Variants in SOS2 observed in about 807,000 individuals in gnomAD.
SOS2 encodes the protein SOS Ras/Rho guanine nucleotide exchange factor 2.
Under a neutral mutation model 148.2 loss-of-function variants are expected in SOS2, and 65 were observed. The ratio of observed to expected loss-of-function variants is 0.44; its 90% CI spans 0.36 to 0.54. The LOEUF is 0.54. SOS2 is among the 20% of genes least tolerant of loss of function. The pLI is 0.00. For synonymous variants in SOS2, 539 were observed against 537.1 expected (o/e 1.00, Z -0.05); for missense variants, 1,341 against 1,590.2 (o/e 0.84, Z 2.67).
At chr14:50,190,072 C>T (rs1056615833) in intron 4 of SOS2, among the ~76,000 whole-genome samples, 2 of 151,804 alleles carry the variant, frequency 1.3e-5, no homozygotes, top group East Asian at 3.9e-4. Context: ...AGGCTGGTCT[C>T]GAGCTTCTGA....
In SOS2 at chr14:50,136,951, T is replaced by C. The variant is rs1408078638; in HGVS notation, c.2958+1661A>G. Among the ~76,000 whole-genome samples the C allele has an allele frequency of 2.0e-5, 3 of 152,156 alleles. No individual in the cohort carries two copies. In the East Asian group the frequency reaches 5.8e-4, roughly 29 times the overall value. ...TTTCTTAGGACTTTAGGGTACTTTG[T>C]TTTGAACCGGGAACAAAGAAGTTTC... On this transcript the variant is annotated intron_variant, in intron 18 of 22. Transcript: ENST00000216373.
intron 1 of SOS2, among the ~76,000 whole-genome samples, chr14:50,214,171 C>T (rs1886972663): frequency 1.3e-5 from 2 of 151,802 alleles, no homozygotes. Context: ...TGACAAAATA[C>T]AAACTAATTG....
chr14:50,121,443 G>A (rs1594953269), intron 21 of SOS2, among the ~76,000 whole-genome samples: 2 of 148,130 alleles, frequency 1.4e-5, no homozygotes, highest in South Asian at 2.1e-4. Context: ...AACTGCTTAT[G>A]AGACATCCAA....
intron 7 of SOS2, among the ~76,000 whole-genome samples, chr14:50,178,783 G>C (rs1320562031): frequency 6.6e-6 from 1 of 150,540 alleles, no homozygotes; most frequent in African/African-American, 2.4e-5. Context: ...ACCTAGGCTG[G>C]AGTGTAGTGG....
intron 6 of SOS2, 65 bp downstream of exon 6, chr14:50,182,398 T>C (rs1488885405): frequency 9.1e-6 from 13 of 1,426,766 alleles, no homozygotes; most frequent in Middle Eastern, 1.8e-4. Context: ...CCAAGACTCA[T>C]CTCTAAGTTT....
At chr14:50,138,056 G>A (rs1487791149) in intron 18 of SOS2, among the ~76,000 whole-genome samples, 2 of 151,830 alleles carry the variant, frequency 1.3e-5, no homozygotes, top group African/African-American at 2.4e-5. Flanking sequence ...GGTCAGGCTG[G>A]TCTCAAATTC....
chr14:50,225,014 G>C (rs1260466291), intron 1 of SOS2, among the ~76,000 whole-genome samples: 4 of 152,010 alleles, frequency 2.6e-5, no homozygotes, highest in Admixed American at 2.6e-4. Context: ...CTAGATCTTG[G>C]TATTATTTTC....
upstream of SOS2, among the ~76,000 whole-genome samples, chr14:50,231,709 C>G (rs944871889): frequency 2.6e-5 from 4 of 151,828 alleles, no homozygotes; most frequent in Non-Finnish European, 5.9e-5. Context: ...CTGCTCGTCT[C>G]CTCATCGCCT....
intron 1 of SOS2, among the ~76,000 whole-genome samples, chr14:50,209,695 C>A (rs1886802468): frequency 6.6e-6 from 1 of 151,314 alleles, no homozygotes; most frequent in African/African-American, 2.4e-5. Flanking sequence ...GAGGTCGAGG[C>A]TGCAGTGAGC....
intron 12 of SOS2, among the ~76,000 whole-genome samples, chr14:50,153,940 C>T (rs1465662550): frequency 6.6e-6 from 1 of 152,072 alleles, no homozygotes; most frequent in Non-Finnish European, 1.5e-5. Context: ...GTAATCTACA[C>T]ATATACTACA....
intron 19 of SOS2, among the ~76,000 whole-genome samples, chr14:50,131,323 A>T (rs1883858832): frequency 6.6e-6 from 1 of 152,210 alleles, no homozygotes; most frequent in Non-Finnish European, 1.5e-5. Context: ...ACTTGAGTTA[A>T]GATCTCAACT....
intron 1 of SOS2, among the ~76,000 whole-genome samples, chr14:50,224,448 G>T (rs768160689): frequency 6.6e-6 from 1 of 150,536 alleles, no homozygotes; most frequent in African/African-American, 2.5e-5. Flanking sequence ...AAACTAGAAG[G>T]AATATTCAGA....
At chr14:50,177,043 G>C (rs1335010884) in intron 7 of SOS2, among the ~76,000 whole-genome samples, 1 of 152,000 alleles carries the variant, frequency 6.6e-6, no homozygotes, top group African/African-American at 2.4e-5. Flanking sequence ...TTGGCCCAAA[G>C]CCTTAAGTTC....
chr14:50,199,796 C>T lies in SOS2; in HGVS notation c.405G>A (p.Glu135=), dbSNP rs754980356. 1 of 1,596,654 alleles carries T rather than the reference C, an allele frequency of 6.3e-7. No individual in the cohort carries two copies. Among genetic ancestry groups the T allele is most frequent in the Admixed American group, 1.7e-5 (1 of 59,644 alleles). Residue 135 remains glutamate (E), a synonymous_variant, in exon 4 of 23, where the codon GAG becomes GAA. Transcript: ENST00000216373. ...ATTTTAAAATATCAGCTGAGATATA[C>T]TCTAGTACAGCCACAATATATAGGG... ...HVSLYIVAVL[E]YISADILKLA... is the part of the protein sequence containing the mutation.
At chr14:50,150,312 C>T in intron 13 of SOS2, 82 bp from the exon 14 acceptor site, 2 of 973,744 alleles carry the variant, frequency 2.1e-6, no homozygotes, top group Non-Finnish European at 3.2e-6. Context: ...TAACTTTCAC[C>T]CAGCCTCAAC....
At chr14:50,129,301 T>A (rs1419557955) in intron 21 of SOS2, among the ~76,000 whole-genome samples, 1 of 152,140 alleles carries the variant, frequency 6.6e-6, no homozygotes, top group Non-Finnish European at 1.5e-5. Flanking sequence ...TTGAAAAGGG[T>A]AAGGAAGAAA....
intron 4 of SOS2, among the ~76,000 whole-genome samples, chr14:50,199,150 C>T (rs1488171980): frequency 1.3e-5 from 2 of 151,980 alleles, no homozygotes; most frequent in Admixed American, 6.6e-5. Flanking sequence ...GAGACCTTGT[C>T]TCAAATAACA....
At chr14:50,166,992 G>A (rs1885188790) in intron 8 of SOS2, among the ~76,000 whole-genome samples, 1 of 152,044 alleles carries the variant, frequency 6.6e-6, no homozygotes, top group Non-Finnish European at 1.5e-5. Flanking sequence ...AGGATCACTT[G>A]AGGCCAGAAG....
At chr14:50,231,015 A>G in intron 1 of SOS2, 182 bp downstream of exon 1, 1 of 698,380 alleles carries the variant, frequency 1.4e-6, no homozygotes, top group Admixed American at 4.6e-5. Context: ...GACCAGGCAA[A>G]AAAAAAAAAC....
Sources: allele counts gnomAD v4.1 joint callset (sites outside exome capture counted in the v4.1 genomes callset), GRCh38; gene constraint gnomAD v4.1.1; transcripts MANE v1.5; gene names NCBI Gene and HGNC (gene_info 2026-07-23, HGNC 2026-07-21).